Variants in CDH13 observed in about 807,000 individuals in gnomAD.
CDH13 encodes cadherin 13.
In CDH13, 24 loss-of-function variants were observed where a neutral mutation model predicts 63.8. The observed-to-expected ratio is 0.38, with a 90% CI of 0.27 to 0.53. The LOEUF (loss-of-function observed/expected upper bound fraction) is 0.53. Ranked by LOEUF, CDH13 falls within the 20% of genes least tolerant of loss-of-function variation. The pLI, the probability that CDH13 is intolerant of heterozygous loss-of-function variation, is 0.85. For synonymous variants in CDH13, 503 were observed against 355.3 expected, an observed-to-expected ratio of 1.42 and a Z score of -4.67; for missense variants, 1,049 against 903.1, an observed-to-expected ratio of 1.16 and a Z score of -2.07.
chr16:83,456,805 T>C (rs762115468), intron 6 of CDH13, among the ~76,000 whole-genome samples: 43 of 151,988 alleles, frequency 2.8e-4, no homozygotes, highest in Non-Finnish European at 5.3e-4. Context: ...CTACTAAAAA[T>C]ACAAAAATTA....
intron 6 of CDH13, among the ~76,000 whole-genome samples, chr16:83,397,696 C>G (rs760925839): frequency 4.6e-5 from 7 of 152,130 alleles, no homozygotes; most frequent in Non-Finnish European, 1.0e-4. Context: ...GACATTATGC[C>G]TATGTGAAAG....
At chr16:83,073,300 C>T (rs1037754664) in intron 3 of CDH13, among the ~76,000 whole-genome samples, 6 of 150,804 alleles carry the variant, frequency 4.0e-5, no homozygotes, top group Non-Finnish European at 8.8e-5. Context: ...AAGGAATGGG[C>T]TCTCTCTTTG....
chr16:82,997,004 A>C (rs1279280722), intron 2 of CDH13, among the ~76,000 whole-genome samples: 1 of 123,446 alleles, frequency 8.1e-6, no homozygotes, highest in East Asian at 2.5e-4. Context: ...TGATGATGAT[A>C]GTGATGGTGA....
intron 6 of CDH13, among the ~76,000 whole-genome samples, chr16:83,421,975 T>TA (rs1341507196): frequency 6.6e-6 from 1 of 152,210 alleles, no homozygotes; most frequent in Non-Finnish European, 1.5e-5. Flanking sequence ...TCTTACTTTT[T>TA]AAAAAACTGT....
intron 1 of CDH13, among the ~76,000 whole-genome samples, chr16:82,691,977 C>T (rs1258039094): frequency 1.3e-5 from 2 of 152,144 alleles, no homozygotes; most frequent in Non-Finnish European, 2.9e-5. Flanking sequence ...AGTTAGGAAA[C>T]ACTCATGTAA....
chr16:82,939,893 C>A (rs1433743711), intron 2 of CDH13, among the ~76,000 whole-genome samples: 1 of 152,228 alleles, frequency 6.6e-6, no homozygotes, highest in East Asian at 1.9e-4. Flanking sequence ...GACATGCCCT[C>A]GACTGGGTAA....
intron 5 of CDH13, among the ~76,000 whole-genome samples, chr16:83,320,213 C>CA (rs1423615735): frequency 1.4e-5 from 2 of 145,902 alleles, no homozygotes; most frequent in Non-Finnish European, 3.0e-5. Context: ...ATAATTGTTC[C>CA]TTTTTTTTTT....
intron 6 of CDH13, among the ~76,000 whole-genome samples, chr16:83,376,863 G>T (rs1055278458): frequency 1.3e-5 from 2 of 152,118 alleles, no homozygotes; most frequent in Non-Finnish European, 2.9e-5. Flanking sequence ...TAAGAAATGG[G>T]TTGATTTAAT....
At chr16:82,750,473 A>G (rs2034367295) in intron 1 of CDH13, among the ~76,000 whole-genome samples, 2 of 152,182 alleles carry the variant, frequency 1.3e-5, no homozygotes, top group South Asian at 4.1e-4. Context: ...AGAAGAGAAC[A>G]ATTCTTCCTC....
At chr16:83,563,578 G>C (rs970937510) in intron 7 of CDH13, among the ~76,000 whole-genome samples, 1 of 152,186 alleles carries the variant, frequency 6.6e-6, no homozygotes, top group Non-Finnish European at 1.5e-5. Context: ...CAATGTGCTT[G>C]ATTTGGTGGA....
chr16:83,244,033 G>A (rs796674763), intron 5 of CDH13, among the ~76,000 whole-genome samples: 37 of 152,082 alleles, frequency 2.4e-4, no homozygotes, highest in African/African-American at 7.7e-4. Flanking sequence ...GAATTCTAAC[G>A]TCCATCCTCA....
At chr16:83,722,070 G>A (rs961806808) in intron 10 of CDH13, among the ~76,000 whole-genome samples, 1 of 152,110 alleles carries the variant, frequency 6.6e-6, no homozygotes, top group Non-Finnish European at 1.5e-5. Context: ...AGCTTGTTAG[G>A]AAGCAAGCTA....
chr16:83,444,575 C>G (rs746809829), intron 6 of CDH13, among the ~76,000 whole-genome samples: 1 of 152,144 alleles, frequency 6.6e-6, no homozygotes, highest in Non-Finnish European at 1.5e-5. Flanking sequence ...GCACCAGAAC[C>G]ATGTCCTCTC....
chr16:82,806,838 A>G (rs1436370676), intron 1 of CDH13, among the ~76,000 whole-genome samples: 4 of 152,206 alleles, frequency 2.6e-5, no homozygotes, highest in African/African-American at 4.8e-5. Context: ...TCTACCATAA[A>G]GAAGGACAAA....
At chr16:83,014,786 ATATT>A (rs1410028065) in intron 2 of CDH13, among the ~76,000 whole-genome samples, 4,973 of 81,982 alleles carry the variant, frequency 0.061, 302 homozygotes, top group African/African-American at 0.091. Flanking sequence ...GTATATATAT[ATATT>A]TGTATATATA....
chr16:83,114,034 C>T (rs2035186654), intron 3 of CDH13, among the ~76,000 whole-genome samples: 1 of 152,188 alleles, frequency 6.6e-6, no homozygotes. Context: ...TCTCCAATTT[C>T]AGACTCCCCT....
intron 2 of CDH13, among the ~76,000 whole-genome samples, chr16:82,976,474 T>A (rs1035790650): frequency 6.6e-6 from 1 of 152,208 alleles, no homozygotes; most frequent in Non-Finnish European, 1.5e-5. Context: ...TCTTAGATGC[T>A]TTTCCAGTTA....
intron 1 of CDH13, among the ~76,000 whole-genome samples, chr16:82,809,293 C>T (rs1207147631): frequency 7.5e-6 from 1 of 133,830 alleles, no homozygotes; most frequent in Non-Finnish European, 1.6e-5. Context: ...AGTTTGACCA[C>T]CTCTCAAGTT....
At chr16:83,533,777 C>T (rs887434826) in intron 7 of CDH13, among the ~76,000 whole-genome samples, 6 of 151,988 alleles carry the variant, frequency 3.9e-5, no homozygotes, top group Admixed American at 2.0e-4. Flanking sequence ...TGCACCACCA[C>T]GCCCAGCTAA....
Sources: gnomAD v4.1 joint callset for allele counts (sites outside exome capture counted in the v4.1 genomes callset) on GRCh38, gnomAD v4.1.1 for gene constraint, MANE v1.5 for transcripts, NCBI Gene and HGNC (gene_info 2026-07-23, HGNC 2026-07-21) for gene names.